TBC1D22A: variants seen among roughly 807,000 people sequenced by gnomAD.
TBC1D22A encodes the protein TBC1 domain family member 22A, also known as putative GTPase activator.
TBC1D22A carries 38 observed loss-of-function variants against 60.2 expected under a neutral mutation model. The ratio of observed to expected loss-of-function variants is 0.63; its 90% CI spans 0.49 to 0.83. The LOEUF (loss-of-function observed/expected upper bound fraction) is 0.83, where lower values mean the gene tolerates loss of function less well. TBC1D22A is among the 40% of genes least tolerant of loss of function. The probability of loss-of-function intolerance (pLI) is 0.00; values close to 1 mark genes in which losing one functional copy is unlikely to be tolerated. For missense variants in TBC1D22A, 628 were observed against 701.0 expected (o/e 0.90, Z 1.18); for synonymous variants, 302 against 281.7 (o/e 1.07, Z -0.72).
At chr22:46,807,565 C>G (rs1031454369) in intron 4 of TBC1D22A, among the ~76,000 whole-genome samples, 14 of 152,150 alleles carry the variant, frequency 9.2e-5, no homozygotes, top group Non-Finnish European at 5.9e-5. Context: ...CGGCAGTGAC[C>G]AGTGTTTATC....
At chr22:47,126,944 A>G (rs1249799749) in intron 12 of TBC1D22A, among the ~76,000 whole-genome samples, 1 of 152,220 alleles carries the variant, frequency 6.6e-6, no homozygotes, top group Non-Finnish European at 1.5e-5. Context: ...GAGATGATGG[A>G]CGGAGGAGAG....
intron 1 of TBC1D22A, among the ~76,000 whole-genome samples, chr22:46,783,819 T>C (rs1569026141): frequency 6.6e-6 from 1 of 152,158 alleles, no homozygotes; most frequent in Admixed American, 6.5e-5. Flanking sequence ...TCAATGGGCA[T>C]CTAGGTTTAT....
intron 7 of TBC1D22A, among the ~76,000 whole-genome samples, chr22:46,909,998 C>G (rs779709256): frequency 6.6e-6 from 1 of 152,246 alleles, no homozygotes; most frequent in African/African-American, 2.4e-5. Context: ...AAATAGCATT[C>G]GCATCATTTG....
intron 4 of TBC1D22A, among the ~76,000 whole-genome samples, chr22:46,852,325 C>T (rs934231150): frequency 6.6e-6 from 1 of 152,244 alleles, no homozygotes; most frequent in Admixed American, 6.5e-5. Context: ...CTCCCCTCTT[C>T]CAGAACCCCA....
intron 2 of TBC1D22A, chr22:46,792,837 C>G (rs769265299): frequency 1.4e-6 from 2 of 1,437,602 alleles, no homozygotes; most frequent in Non-Finnish European, 1.8e-6. Context: ...CAGGAGCTGG[C>G]ATCCTTTAGC....
At position 46,941,424 on chromosome 22, in the gene TBC1D22A, C is replaced by T. The variant is rs1045214406; in HGVS notation, c.1015+29236C>T. Among the ~76,000 whole-genome samples the T allele has an allele frequency of 5.4e-4, 32 of 59,216 alleles. 2 individuals carry two copies. The highest frequency in any genetic ancestry group is 2.1e-3 in the African/African-American group (23 of 11,144). 38.8% of individuals were successfully genotyped at this position (59,216 alleles called of 152,430 possible). ...ACACAGAATATATATACGGAATATA[C>T]ACGGAATATATATACACGGAATATA... On this transcript the variant is annotated intron_variant, in intron 8 of 12. Coordinates refer to ENST00000337137, the MANE Select transcript of TBC1D22A (RefSeq NM_014346.5).
At position 46,806,850 on chromosome 22, in the gene TBC1D22A, C is replaced by T. The variant is rs149123964; in HGVS notation, c.637+9230C>T. 9.2e-3 allele frequency among the ~76,000 whole-genome samples: 1,396 copies of T among 152,252 alleles called. 10 individuals are homozygous for T. The highest frequency in any genetic ancestry group is 0.034 in the Middle Eastern group (10 of 294). ...GAGTGGGTAGAATAGTGCTGATCTTCGGCCAGTCAGACCTGAGTAGCTACA... is the reference window on the plus strand; with the variant it reads ...GAGTGGGTAGAATAGTGCTGATCTTTGGCCAGTCAGACCTGAGTAGCTACA... On this transcript the variant is annotated intron_variant, in intron 4 of 12. Transcript: ENST00000337137.
intron 8 of TBC1D22A, among the ~76,000 whole-genome samples, chr22:46,939,008 C>A (rs1396773695): frequency 7.3e-6 from 1 of 137,296 alleles, no homozygotes; most frequent in Non-Finnish European, 1.6e-5. Context: ...AATTTTCTTA[C>A]TATGTTACCC....
chr22:46,948,822 A>G (rs1165195476), intron 8 of TBC1D22A, among the ~76,000 whole-genome samples: 1 of 152,232 alleles, frequency 6.6e-6, no homozygotes, highest in African/African-American at 2.4e-5. Flanking sequence ...AGCACGGCCA[A>G]ACAGAAACAT....
chr22:46,938,499 A>T (rs1231134031), intron 8 of TBC1D22A, among the ~76,000 whole-genome samples: 2 of 122,452 alleles, frequency 1.6e-5, no homozygotes, highest in African/African-American at 7.2e-5. Context: ...ATCACATCTT[A>T]ATGGTATTTT....
At chr22:46,902,614 C>T (rs777207485) in intron 7 of TBC1D22A, among the ~76,000 whole-genome samples, 14 of 152,398 alleles carry the variant, frequency 9.2e-5, no homozygotes, top group East Asian at 1.9e-4. Flanking sequence ...GACAGAGCCC[C>T]GCTGTGTCCG....
chr22:46,894,147 C>T (rs964543876), intron 6 of TBC1D22A, among the ~76,000 whole-genome samples: 3 of 152,322 alleles, frequency 2.0e-5, no homozygotes, highest in South Asian at 2.1e-4. Context: ...GAGATGTTCA[C>T]GTGGGATGTC....
At chr22:47,102,448 T>G (rs2065456966) in intron 11 of TBC1D22A, among the ~76,000 whole-genome samples, 1 of 152,232 alleles carries the variant, frequency 6.6e-6, no homozygotes, top group Admixed American at 6.5e-5. Context: ...AGGGCTGGCC[T>G]GTGGCCACTG....
chr22:46,878,360 T>G, intron 4 of TBC1D22A, among the ~76,000 whole-genome samples: 1 of 228 alleles, frequency 4.4e-3, no homozygotes, highest in Non-Finnish European at 0.014. Context: ...GAGGCCAGTG[T>G]ACTCTGGACT....
At chr22:46,780,114 G>C (rs761907) in intron 1 of TBC1D22A, among the ~76,000 whole-genome samples, 93,198 of 152,078 alleles carry the variant, frequency 0.61, 28,862 homozygotes, top group Middle Eastern at 0.78. Flanking sequence ...ATCACCATGT[G>C]TTAGAATGAG....
Position 47,163,112 on chromosome 22 carries a change from A to G in TBC1D22A, c.1426-10386A>G, listed in dbSNP as rs533973023. On this transcript the variant is annotated intron_variant, in intron 12 of 12. Transcript: ENST00000337137. ...AGGCGTGCCAGTGGCCAGGGTGGGCAGGTTTGCCTCCCCTGTGGTTCCTTT... is the reference window on the plus strand; with the variant it reads ...AGGCGTGCCAGTGGCCAGGGTGGGCGGGTTTGCCTCCCCTGTGGTTCCTTT... Among the ~76,000 whole-genome samples the G allele has an allele frequency of 3.9e-5, 6 of 152,318 alleles. No homozygotes were observed. In the East Asian group the frequency reaches 7.7e-4, roughly 20 times the overall value.
chr22:47,125,839 G>C (rs2066432924), intron 12 of TBC1D22A, among the ~76,000 whole-genome samples: 1 of 152,214 alleles, frequency 6.6e-6, no homozygotes, highest in Non-Finnish European at 1.5e-5. Context: ...CCCAGCTGGG[G>C]CTCCTGGAGC....
At chr22:46,912,015 A>C in intron 7 of TBC1D22A, 59 bp from the exon 8 acceptor site, 2 of 1,160,992 alleles carry the variant, frequency 1.7e-6, no homozygotes, top group Non-Finnish European at 2.6e-6. Flanking sequence ...GAATGCTTTC[A>C]TTTTAAAGTT....
intron 8 of TBC1D22A, among the ~76,000 whole-genome samples, chr22:46,959,882 C>T (rs547364482): frequency 4.6e-5 from 7 of 152,344 alleles, no homozygotes; most frequent in Admixed American, 2.6e-4. Flanking sequence ...TCTTGGCCCT[C>T]GAAACTGACT....
Sources: gnomAD v4.1 joint callset for allele counts (sites outside exome capture counted in the v4.1 genomes callset) on GRCh38, gnomAD v4.1.1 for gene constraint, MANE v1.5 for transcripts, NCBI Gene and HGNC (gene_info 2026-07-23, HGNC 2026-07-21) for gene names.